ZPBP: variants seen among roughly 807,000 people sequenced by gnomAD.
ZPBP encodes zona pellucida binding protein, also known as zona pellucida-binding protein 1.
Under a neutral mutation model 44.8 loss-of-function variants are expected in ZPBP, and 26 were observed. The observed-to-expected ratio is 0.58, with a 90% CI of 0.43 to 0.81. The LOEUF (loss-of-function observed/expected upper bound fraction) is 0.81, where lower values mean the gene tolerates loss of function less well. Among genes scored for constraint, ZPBP ranks in the 30% least tolerant of loss-of-function variants. The pLI is 0.00. For missense variants in ZPBP, 409 were observed against 434.0 expected, an observed-to-expected ratio of 0.94 and a Z score of 0.51; for synonymous variants, 174 against 153.2, an observed-to-expected ratio of 1.14 and a Z score of -1.00.
At chr7:49,961,237 G>A (rs918344234) in intron 7 of ZPBP, among the ~76,000 whole-genome samples, 1 of 152,014 alleles carries the variant, frequency 6.6e-6, no homozygotes, top group African/African-American at 2.4e-5. Flanking sequence ...TGAAAGAATG[G>A]ATAAACAAAA....
chr7:49,888,932 C>CA (rs923355020), intron 2 of ZPBP, among the ~76,000 whole-genome samples: 116 of 149,974 alleles, frequency 7.7e-4, no homozygotes, highest in African/African-American at 2.5e-3. Flanking sequence ...AAAACAAAAA[C>CA]AAAAAAAAAC....
At chr7:49,957,515 G>C (rs1398169934) in intron 7 of ZPBP, among the ~76,000 whole-genome samples, 1 of 152,290 alleles carries the variant, frequency 6.6e-6, no homozygotes, top group East Asian at 1.9e-4. Flanking sequence ...AGGTGTTGCT[G>C]AAGGAGGCCC....
At chr7:50,041,864 T>C (rs183482149) in intron 4 of ZPBP, among the ~76,000 whole-genome samples, 291 of 152,208 alleles carry the variant, frequency 1.9e-3, no homozygotes, top group Middle Eastern at 6.8e-3. Context: ...AGGTGGGTAA[T>C]AACAAACACC....
intron 6 of ZPBP, among the ~76,000 whole-genome samples, chr7:49,990,271 G>T (rs559470019): frequency 6.6e-6 from 1 of 152,296 alleles, no homozygotes; most frequent in South Asian, 2.1e-4. Flanking sequence ...ACAGCAGAGG[G>T]GATAGGGCGT....
chr7:50,040,456 T>G lies in ZPBP; in HGVS notation c.488-9146A>C, dbSNP rs1218626060. ...GGCAGGTGATTTCTGCATTTCCAAC[T>G]GAGGTACCTGGTTCATCTCATTGGG... On this transcript the variant is annotated intron_variant, in intron 4 of 7. Coordinates refer to ENST00000046087, the MANE Select transcript of ZPBP (RefSeq NM_007009.3). Among the ~76,000 whole-genome samples the G allele has an allele frequency of 2.0e-5, 3 of 152,234 alleles. No individual in the cohort carries two copies. In the East Asian group the frequency reaches 5.8e-4, roughly 29 times the overall value.
intron 3 of ZPBP, among the ~76,000 whole-genome samples, chr7:50,074,990 T>A (rs960966185): frequency 1.3e-5 from 2 of 151,836 alleles, no homozygotes; most frequent in African/African-American, 4.8e-5. Flanking sequence ...AGTACAGAGA[T>A]CATTCTCAAG....
intron 7 of ZPBP, among the ~76,000 whole-genome samples, chr7:49,979,582 A>T (rs933961214): frequency 2.0e-5 from 3 of 151,650 alleles, no homozygotes; most frequent in African/African-American, 4.8e-5. Flanking sequence ...TACAAAAAAA[A>T]TTTTTAATGA....
intron 2 of ZPBP, among the ~76,000 whole-genome samples, chr7:49,854,432 G>A (rs1165342006): frequency 6.6e-6 from 1 of 152,106 alleles, no homozygotes; most frequent in Non-Finnish European, 1.5e-5. Flanking sequence ...GTATCTCATT[G>A]TGGTTTTGAT....
At chr7:49,981,630 T>TATAAATTATATAATATATAATTATATAA (rs1350451565) in intron 7 of ZPBP, among the ~76,000 whole-genome samples, 1 of 45,974 alleles carries the variant, frequency 2.2e-5, no homozygotes, top group Non-Finnish European at 3.2e-5. Context: ...TATTATATTA[T>TATAAATTATATAATATATAATTATATAA]ATTATATATT....
chr7:49,973,537 T>A (rs145985438), intron 7 of ZPBP, among the ~76,000 whole-genome samples: 66 of 152,124 alleles, frequency 4.3e-4, no homozygotes, highest in African/African-American at 1.4e-3. Flanking sequence ...AAGACTTAAA[T>A]AGACATTTCT....
At chr7:49,956,177 C>A (rs1795581811) in intron 7 of ZPBP, among the ~76,000 whole-genome samples, 1 of 152,020 alleles carries the variant, frequency 6.6e-6, no homozygotes, top group Admixed American at 6.6e-5. Flanking sequence ...TTCTGTTTGT[C>A]TGTTTTTAAA....
chr7:49,925,031 GCC>G (rs1794179374), intron 1 of ZPBP, among the ~76,000 whole-genome samples: 2 of 152,284 alleles, frequency 1.3e-5, no homozygotes, highest in South Asian at 4.1e-4. Context: ...ATTTGAATGG[GCC>G]CAGCAGGAGC....
At chr7:50,004,196 A>C (rs1798208955) in intron 6 of ZPBP, among the ~76,000 whole-genome samples, 1 of 152,092 alleles carries the variant, frequency 6.6e-6, no homozygotes, top group Non-Finnish European at 1.5e-5. Context: ...AAGCAGGTGG[A>C]AGAAAGTGGG....
At chr7:50,024,584 A>C (rs1035790525) in intron 5 of ZPBP, among the ~76,000 whole-genome samples, 3 of 152,040 alleles carry the variant, frequency 2.0e-5, no homozygotes, top group Admixed American at 1.3e-4. Context: ...CAGAAAGAAA[A>C]ATACAGAATG....
chr7:50,039,448 A>G (rs897111892), intron 4 of ZPBP, among the ~76,000 whole-genome samples: 9 of 152,186 alleles, frequency 5.9e-5, no homozygotes, highest in Admixed American at 5.9e-4. Flanking sequence ...TGCACCAATT[A>G]AGGTAGTTAT....
At chr7:49,844,983 G>A in the ZPBP span, among the ~76,000 whole-genome samples, 5 of 152,078 alleles carry the variant, frequency 3.3e-5, no homozygotes, top group African/African-American at 7.2e-5. Flanking sequence ...GCACCCGGCC[G>A]GCAATTCACT....
At chr7:49,843,172 G>A in the ZPBP span, among the ~76,000 whole-genome samples, 1 of 152,168 alleles carries the variant, frequency 6.6e-6, no homozygotes, top group East Asian at 1.9e-4. Context: ...GCAGTTTTCT[G>A]TGAACTTCTT....
chr7:49,865,131 AT>A lies in ZPBP; in HGVS notation n.510-14618del, dbSNP rs377680774. ...AATTTGCCATGTAAAGATGTAATTG[AT>A]TTTGTATATTGCTTTTATAAGAATA... On this transcript the variant is annotated intron_variant and non_coding_transcript_variant, in intron 2 of 2. Coordinates refer to the ZPBP transcript ENST00000465922. Among the ~76,000 whole-genome samples the A allele has an allele frequency of 6.5e-4, 99 of 152,274 alleles. 1 individual carries two copies. The highest frequency in any genetic ancestry group is 2.1e-3 in the African/African-American group (87 of 41,558).
chr7:50,078,876 C>T (rs1199228828), intron 3 of ZPBP, among the ~76,000 whole-genome samples: 3 of 150,668 alleles, frequency 2.0e-5, no homozygotes, highest in Non-Finnish European at 1.5e-5. Flanking sequence ...AATCAAGCAA[C>T]TCCACTAAAA....
Sources: gnomAD v4.1 joint callset for allele counts (sites outside exome capture counted in the v4.1 genomes callset) on GRCh38, gnomAD v4.1.1 for gene constraint, MANE v1.5 for transcripts, NCBI Gene and HGNC (gene_info 2026-07-23, HGNC 2026-07-21) for gene names.